The following THEMIS variants were observed in gnomAD, a reference collection of about 807,000 sequenced individuals.
The protein encoded by THEMIS is thymocyte selection associated, also known as protein THEMIS.
In THEMIS, 37 loss-of-function variants were observed where a neutral mutation model predicts 52.6. The observed-to-expected ratio is 0.70, with a 90% CI of 0.54 to 0.93. The LOEUF (loss-of-function observed/expected upper bound fraction) is 0.93. THEMIS is among the 40% of genes least tolerant of loss of function. The pLI, the probability that THEMIS is intolerant of heterozygous loss-of-function variation, is 0.00. For missense variants in THEMIS, 808 were observed against 763.1 expected, an observed-to-expected ratio of 1.06 and a Z score of -0.69; for synonymous variants, 292 against 272.7, an observed-to-expected ratio of 1.07 and a Z score of -0.70.
At chr6:127,799,392 A>T (rs1318372759) in intron 4 of THEMIS, among the ~76,000 whole-genome samples, 1 of 152,234 alleles carries the variant, frequency 6.6e-6, no homozygotes, top group Non-Finnish European at 1.5e-5. Context: ...ACAGGATTTG[A>T]TGATTGACAA....
chr6:127,765,355 C>A, intron 4 of THEMIS, among the ~76,000 whole-genome samples: 1 of 151,922 alleles, frequency 6.6e-6, no homozygotes, highest in Non-Finnish European at 1.5e-5. Context: ...AATAAAAGCC[C>A]AAATTGGGAT....
At chr6:127,852,092 C>T (rs1053313026) in intron 2 of THEMIS, among the ~76,000 whole-genome samples, 2 of 151,538 alleles carry the variant, frequency 1.3e-5, no homozygotes, top group Admixed American at 6.6e-5. Context: ...ACTGGAGTGA[C>T]TATACTAATA....
chr6:127,873,700 A>G (rs964551940), intron 1 of THEMIS, among the ~76,000 whole-genome samples: 3 of 152,192 alleles, frequency 2.0e-5, no homozygotes, highest in Admixed American at 6.5e-5. Context: ...CTTTCCCAAA[A>G]CTTAACTACT....
chr6:127,890,387 C>A, intron 1 of THEMIS, among the ~76,000 whole-genome samples: 1 of 151,896 alleles, frequency 6.6e-6, no homozygotes, highest in South Asian at 2.1e-4. Context: ...AAATATTGAT[C>A]TCATGGAGGG....
chr6:127,760,869 G>C (rs548308875), intron 4 of THEMIS, among the ~76,000 whole-genome samples: 1 of 151,988 alleles, frequency 6.6e-6, no homozygotes, highest in South Asian at 2.1e-4. Context: ...TATTAGAAAA[G>C]CTTATTGATA....
At chr6:127,708,133 A>G (rs546926981), downstream of THEMIS, 2 of 152,222 alleles carry the variant, frequency 1.3e-5, no homozygotes, top group South Asian at 4.1e-4. Flanking sequence ...GTTAAAGAAT[A>G]TTTTAACTTA....
intron 4 of THEMIS, among the ~76,000 whole-genome samples, chr6:127,798,611 G>T (rs1777410994): frequency 2.6e-5 from 4 of 152,034 alleles, no homozygotes. Context: ...GATATGGAAA[G>T]AATTGAATGA....
intron 1 of THEMIS, among the ~76,000 whole-genome samples, chr6:127,910,289 A>G (rs1320186290): frequency 6.6e-6 from 1 of 152,132 alleles, no homozygotes; most frequent in Non-Finnish European, 1.5e-5. Flanking sequence ...AGAGCATTGC[A>G]ACAAGCCTCA....
chr6:127,829,412 A>G, intron 3 of THEMIS, 64 bp downstream of exon 3: 2 of 1,356,860 alleles, frequency 1.5e-6, no homozygotes, highest in Non-Finnish European at 2.0e-6. Context: ...AGGCTCTAAA[A>G]TCTTTCTTTC....
At chr6:127,891,391 C>G (rs569491286) in intron 1 of THEMIS, among the ~76,000 whole-genome samples, 1 of 151,882 alleles carries the variant, frequency 6.6e-6, no homozygotes, top group East Asian at 1.9e-4. Flanking sequence ...AAATAATTAA[C>G]CAGGCCTGGT....
intron 4 of THEMIS, among the ~76,000 whole-genome samples, chr6:127,798,489 T>C (rs1404065154): frequency 6.6e-6 from 1 of 152,220 alleles, no homozygotes; most frequent in Non-Finnish European, 1.5e-5. Flanking sequence ...TGAGTAGTAG[T>C]TCTCTTTCTT....
chr6:127,832,165 C>T (rs940124723), intron 2 of THEMIS, among the ~76,000 whole-genome samples: 1 of 152,134 alleles, frequency 6.6e-6, no homozygotes, highest in Non-Finnish European at 1.5e-5. Flanking sequence ...GAATAGAGCT[C>T]ACCTAAGGTA....
chr6:127,746,277 G>A (rs1775385349), intron 4 of THEMIS, among the ~76,000 whole-genome samples: 1 of 151,758 alleles, frequency 6.6e-6, no homozygotes, highest in Non-Finnish European at 1.5e-5. Context: ...AAGAGATGCT[G>A]TGAAAGACAG....
At chr6:127,700,875 C>T in the THEMIS span, among the ~76,000 whole-genome samples, 12 of 151,942 alleles carry the variant, frequency 7.9e-5, no homozygotes, top group Admixed American at 4.6e-4. Flanking sequence ...ACATGTACTA[C>T]GTATACAATC....
intron 1 of THEMIS, among the ~76,000 whole-genome samples, chr6:127,883,541 C>T (rs1244260058): frequency 6.6e-6 from 1 of 151,704 alleles, no homozygotes; most frequent in African/African-American, 2.4e-5. Flanking sequence ...TATGTATAGA[C>T]ATACACATAT....
At chr6:127,905,463 A>G (rs750651724), upstream of THEMIS, among the ~76,000 whole-genome samples, 3 of 152,044 alleles carry the variant, frequency 2.0e-5, no homozygotes, top group Non-Finnish European at 2.9e-5. Flanking sequence ...AAAATTCATC[A>G]CCAGTAAACT....
intron 2 of THEMIS, among the ~76,000 whole-genome samples, chr6:127,834,569 G>A (rs1248696825): frequency 1.3e-5 from 2 of 152,148 alleles, no homozygotes; most frequent in Non-Finnish European, 2.9e-5. Context: ...GGGCAACAGA[G>A]TGAGACTCCA....
chr6:127,719,944 A>AAAGC (rs879372165), intron 4 of THEMIS, 121 bp from the exon 5 acceptor site: 8 of 1,274,896 alleles, frequency 6.3e-6, no homozygotes, highest in Non-Finnish European at 8.7e-6. Context: ...TTGACATGTC[A>AAAGC]AAGCAAGCTA....
chr6:127,759,553 A>C (rs1281682634), intron 4 of THEMIS, among the ~76,000 whole-genome samples: 1 of 152,152 alleles, frequency 6.6e-6, no homozygotes, highest in African/African-American at 2.4e-5. Flanking sequence ...TTGTTCTCCC[A>C]GCTGCACATG....
Sources: allele counts gnomAD v4.1 joint callset (sites outside exome capture counted in the v4.1 genomes callset), GRCh38; gene constraint gnomAD v4.1.1; transcripts MANE v1.5; gene names NCBI Gene and HGNC (gene_info 2026-07-23, HGNC 2026-07-21).